SLC13A2: variants seen among roughly 807,000 people sequenced by gnomAD.
SLC13A2 encodes the protein solute carrier family 13 member 2.
Under a neutral mutation model 58.5 loss-of-function variants are expected in SLC13A2, and 40 were observed. The ratio of observed to expected loss-of-function variants is 0.68; its 90% CI spans 0.53 to 0.89. The LOEUF (loss-of-function observed/expected upper bound fraction) is 0.89, where lower values mean the gene tolerates loss of function less well. Among genes scored for constraint, SLC13A2 ranks in the 40% least tolerant of loss-of-function variants. SLC13A2 has a pLI of 0.00. For missense variants in SLC13A2, 694 were observed against 772.6 expected (o/e 0.90, Z 1.21); for synonymous variants, 341 against 331.6 (o/e 1.03, Z -0.31).
rs2069159191 is a variant in SLC13A2 at position 28,497,098 on chromosome 17, G to A, written c.1609-1G>A. 1 of 1,613,748 alleles carries A rather than the reference G, an allele frequency of 6.2e-7. No individual in the cohort carries two copies. The stretch of plus-strand genomic sequence containing the variant: ...AGCCAAATGGACTCTCCTCACACCA[G>A]GCCCGGGCAGGATTCCTCCTCAACA... On this transcript the variant is annotated splice_acceptor_variant, in intron 11 of 11. Transcript: ENST00000314669. LOFTEE classifies it high-confidence loss of function.
chr17:28,488,372 C>A (rs1555602391), intron 1 of SLC13A2, among the ~76,000 whole-genome samples: 1 of 152,184 alleles, frequency 6.6e-6, no homozygotes, highest in African/African-American at 2.4e-5. Flanking sequence ...AGGTGCCCGG[C>A]CCCTGGAGAG....
chr17:28,488,956 C>A (rs2151455699), intron 1 of SLC13A2, among the ~76,000 whole-genome samples: 1 of 152,358 alleles, frequency 6.6e-6, no homozygotes, highest in Admixed American at 6.5e-5. Context: ...GACTGGTAAC[C>A]AACTCCAGAC....
At chr17:28,474,480 G>T (rs566963934) in intron 1 of SLC13A2, among the ~76,000 whole-genome samples, 125 of 152,058 alleles carry the variant, frequency 8.2e-4, no homozygotes, top group Middle Eastern at 3.4e-3. Flanking sequence ...AAATCAAGCC[G>T]CCAATGCCTG....
chr17:28,490,393 C>T (rs782127634), intron 2 of SLC13A2, 61 bp from the exon 3 acceptor site: 57 of 1,614,032 alleles, frequency 3.5e-5, no homozygotes, highest in Non-Finnish European at 4.5e-5. Context: ...CCCATAACCT[C>T]GGGGGCACCG....
At chr17:28,479,552 C>T (rs1251587934) in intron 1 of SLC13A2, among the ~76,000 whole-genome samples, 2 of 152,166 alleles carry the variant, frequency 1.3e-5, no homozygotes, top group African/African-American at 2.4e-5. Context: ...AAACACCTCC[C>T]AGGACCCAAA....
At position 28,494,407 on chromosome 17, in the gene SLC13A2, G is replaced by A. The variant is rs782790385; in HGVS notation, c.1203G>A (p.Leu401=). 2 of 1,614,172 alleles carry A rather than the reference G, an allele frequency of 1.2e-6. No homozygotes were observed. The highest frequency in any genetic ancestry group is 1.7e-5 in the Admixed American group (1 of 60,032). The part of the protein sequence containing the change: ...LTQDPENPGK[L]KAPLGLLDWK... Reference sequence around the variant, plus strand: ...GGGAAGTAGAAAACCCAGGGAAGCTGAAGGCCCCTCTTGGCCTCCTCGACT... The same window carrying A: ...GGGAAGTAGAAAACCCAGGGAAGCTAAAGGCCCCTCTTGGCCTCCTCGACT... Residue 401 remains leucine, a synonymous_variant, in exon 9 of 12, where the codon CTG becomes CTA. Coordinates refer to ENST00000314669, the MANE Select transcript of SLC13A2 (RefSeq NM_003984.4). This position sits in a 1 kb window ranked among gnomAD's most constrained non-coding sequence, Gnocchi z 4.0.
At chr17:28,492,898 C>T (rs2069056292) in intron 6 of SLC13A2, among the ~76,000 whole-genome samples, 1 of 152,240 alleles carries the variant, frequency 6.6e-6, no homozygotes, top group Non-Finnish European at 1.5e-5. Context: ...TGCTGCTGCA[C>T]TTTGGAAAAA....
intron 7 of SLC13A2, 100 bp downstream of exon 7, chr17:28,493,889 C>A: frequency 6.8e-7 from 1 of 1,480,686 alleles, no homozygotes; most frequent in Non-Finnish European, 9.4e-7. Flanking sequence ...GGAGGTAACA[C>A]TTGGTGGGGG....
intron 1 of SLC13A2, among the ~76,000 whole-genome samples, chr17:28,476,883 G>A (rs1033317569): frequency 2.0e-5 from 3 of 152,074 alleles, no homozygotes; most frequent in South Asian, 2.1e-4. Context: ...TAGGCCTGGC[G>A]CAGTGGCTCA....
intron 1 of SLC13A2, among the ~76,000 whole-genome samples, chr17:28,477,426 C>A (rs1252629563): frequency 1.3e-5 from 2 of 151,726 alleles, no homozygotes; most frequent in Non-Finnish European, 2.9e-5. Context: ...GATCTCCTGA[C>A]CTCGTGATCC....
At chr17:28,487,959 A>G (rs1449692808) in intron 1 of SLC13A2, among the ~76,000 whole-genome samples, 1 of 152,106 alleles carries the variant, frequency 6.6e-6, no homozygotes, top group Non-Finnish European at 1.5e-5. Context: ...AAAGTTACCC[A>G]ATCCCAATCC....
chr17:28,477,577 G>T (rs564950409), intron 1 of SLC13A2, among the ~76,000 whole-genome samples: 82 of 152,288 alleles, frequency 5.4e-4, no homozygotes, highest in Non-Finnish European at 9.4e-4. Flanking sequence ...TCTACTCTCT[G>T]TAATGAGTCC....
At chr17:28,475,522 C>G (rs150160563) in intron 1 of SLC13A2, among the ~76,000 whole-genome samples, 1 of 152,342 alleles carries the variant, frequency 6.6e-6, no homozygotes, top group East Asian at 1.9e-4. Context: ...TTCAAGGCCA[C>G]GCTCCTTCCA....
chr17:28,476,481 A>G (rs373450117), intron 1 of SLC13A2, among the ~76,000 whole-genome samples: 1 of 152,154 alleles, frequency 6.6e-6, no homozygotes, highest in East Asian at 1.9e-4. Flanking sequence ...TCAAGCAGCC[A>G]GAAGTCACCA....
In SLC13A2 at chr17:28,496,690, T is replaced by A; in HGVS notation, c.1608+103T>A. On this transcript the variant is annotated intron_variant, in intron 11 of 11. Transcript: ENST00000314669. The surrounding 1 kb of genome is among the most constrained non-coding windows in gnomAD (Gnocchi z 4.2). ...TTAAAGCCACTGAGAGTCTCAGAGT[T>A]GAGCGGGTCCTCATCTGGAATGAAG... 3 of 1,470,136 alleles carry A rather than the reference T, an allele frequency of 2.0e-6. No homozygotes were observed. Among genetic ancestry groups the A allele is most frequent in the Non-Finnish European group, 2.7e-6 (3 of 1,092,218 alleles). The allele number at this position is 1,470,136 out of a possible 1,614,324, so 91.1% of individuals were successfully genotyped here. A position where few individuals can be genotyped will look rare whatever the true frequency, so the allele number is the denominator to read the frequency against.
rs1251199584 is a variant in SLC13A2, at chr17:28,477,186, G to GTTTTT, written c.102+3374_102+3378dup. On this transcript the variant is annotated intron_variant, in intron 1 of 11. Coordinates refer to ENST00000314669, the MANE Select transcript of SLC13A2 (RefSeq NM_003984.4). ...AAAAAAACAAATAAAAAACACCCAA[G>GTTTTT]TTTTTTGTTTTTTTTTTTTTTTTTT... Among the ~76,000 whole-genome samples, 9 of 119,438 alleles carry GTTTTT rather than the reference G, an allele frequency of 7.5e-5. 1 individual carries two copies. The highest frequency in any genetic ancestry group is 1.7e-4 in the African/African-American group (5 of 29,370). 78.4% of individuals were successfully genotyped at this position (119,438 alleles called of 152,430 possible). A position where few individuals can be genotyped will look rare whatever the true frequency, so the allele number is the denominator to read the frequency against.
At chr17:28,493,455 G>C (rs2069068009) in intron 6 of SLC13A2, 116 bp from the exon 7 acceptor site, 2 of 795,070 alleles carry the variant, frequency 2.5e-6, no homozygotes, top group South Asian at 1.9e-5. Flanking sequence ...GGGCCTGAGT[G>C]TAGTGACCCT....
intron 10 of SLC13A2, 140 bp downstream of exon 10, chr17:28,495,956 TCTC>T (rs2069134161): frequency 8.7e-7 from 1 of 1,149,326 alleles, no homozygotes; most frequent in East Asian, 2.5e-5. Flanking sequence ...TTTCCATCCT[TCTC>T]CAGGCTCTTG....
At position 28,494,435 on chromosome 17, in the gene SLC13A2, A is replaced by T. The variant is rs2069098806; in HGVS notation, c.1231A>T (p.Lys411Ter). ...GGCCCCTCTTGGCCTCCTCGACTGGAAGACGGTGAACCAGAAGATGCCGTG... is the reference window on the plus strand; with the variant it reads ...GGCCCCTCTTGGCCTCCTCGACTGGTAGACGGTGAACCAGAAGATGCCGTG... Reference protein sequence around the residue: ...LKAPLGLLDWKTVNQKMPWNI... With the variant: ...LKAPLGLLDW The change falls in exon 9 of 12, where the codon AAG becomes TAG. Residue 411 changes from lysine (K) to a stop codon, truncating the protein, a stop_gained. Coordinates refer to ENST00000314669, the MANE Select transcript of SLC13A2 (RefSeq NM_003984.4). LOFTEE classifies it high-confidence loss of function. This position sits in a 1 kb window ranked among gnomAD's most constrained non-coding sequence, Gnocchi z 4.0. 1 of 1,613,926 alleles carries T rather than the reference A, an allele frequency of 6.2e-7. No individual in the cohort carries two copies. The highest frequency in any genetic ancestry group is 8.5e-7 in the Non-Finnish European group (1 of 1,179,932).
Sources: gnomAD v4.1 joint callset for allele counts (sites outside exome capture counted in the v4.1 genomes callset) on GRCh38, gnomAD v4.1.1 for gene constraint, Gnocchi (gnomAD v3.1) non-coding constraint, MANE v1.5 for transcripts, NCBI Gene and HGNC (gene_info 2026-07-23, HGNC 2026-07-21) for gene names.